Variants in SUGCT observed in about 807,000 individuals in gnomAD.
SUGCT encodes the protein succinyl-CoA:glutarate-CoA transferase.
A neutral mutation model predicts 55.0 loss-of-function variants in SUGCT; 41 were observed. The observed-to-expected ratio is 0.74, with a 90% CI of 0.58 to 0.97. The LOEUF (loss-of-function observed/expected upper bound fraction) is 0.97. Ranked by LOEUF, SUGCT falls within the 50% of genes least tolerant of loss-of-function variation. The pLI is 0.00. For synonymous variants in SUGCT, 187 were observed against 200.4 expected (o/e 0.93, Z 0.56); for missense variants, 568 against 547.8 (o/e 1.04, Z -0.37).
chr7:40,218,936 G>A (rs536262947), intron 6 of SUGCT, among the ~76,000 whole-genome samples: 2 of 152,176 alleles, frequency 1.3e-5, no homozygotes, highest in Non-Finnish European at 2.9e-5. Context: ...GCGGAAATCC[G>A]TTGGGGTCCC....
chr7:40,844,856 A>G (rs1221657074), intron 13 of SUGCT, among the ~76,000 whole-genome samples: 1 of 152,220 alleles, frequency 6.6e-6, no homozygotes, highest in African/African-American at 2.4e-5. Flanking sequence ...TGTGTTTAGA[A>G]GCCAGAATCA....
intron 13 of SUGCT, among the ~76,000 whole-genome samples, chr7:40,828,225 T>C (rs909887706): frequency 3.3e-5 from 5 of 152,080 alleles, no homozygotes; most frequent in African/African-American, 1.2e-4. Context: ...AGTTCATGAG[T>C]CAAGTGGGGC....
At chr7:40,470,747 GTC>G (rs34012862) in intron 11 of SUGCT, among the ~76,000 whole-genome samples, 14,591 of 145,622 alleles carry the variant, frequency 0.1, 699 homozygotes, top group East Asian at 0.19. Flanking sequence ...TAAGTGAACA[GTC>G]TCTCTCTCTC....
chr7:40,666,356 A>AAGGAAGGAAGGT (rs1801633100), intron 12 of SUGCT, among the ~76,000 whole-genome samples: 1 of 71,324 alleles, frequency 1.4e-5, no homozygotes, highest in African/African-American at 1.0e-4. Flanking sequence ...TCAAGAAAGA[A>AAGGAAGGAAGGT]AGGAAGGAAG....
the SUGCT span, among the ~76,000 whole-genome samples, chr7:40,925,351 AG>A: frequency 6.6e-6 from 1 of 152,194 alleles, no homozygotes; most frequent in African/African-American, 2.4e-5. Context: ...GAATTGTTTC[AG>A]GGAAAGGAAT....
At chr7:40,463,092 C>A (rs983006119) in intron 11 of SUGCT, among the ~76,000 whole-genome samples, 2 of 152,120 alleles carry the variant, frequency 1.3e-5, no homozygotes, top group East Asian at 1.9e-4. Flanking sequence ...GTGAGTCTAT[C>A]GTGTTTTTGC....
chr7:40,866,303 C>G, the SUGCT span, among the ~76,000 whole-genome samples: 2 of 152,044 alleles, frequency 1.3e-5, no homozygotes, highest in Non-Finnish European at 2.9e-5. Context: ...CCCTGACGGT[C>G]CTGGATTTAT....
At chr7:40,277,858 T>C (rs1183162086) in intron 8 of SUGCT, among the ~76,000 whole-genome samples, 1 of 151,866 alleles carries the variant, frequency 6.6e-6, no homozygotes, top group Non-Finnish European at 1.5e-5. Flanking sequence ...CCCACAACAG[T>C]CCCCAGAGTG....
the SUGCT span, among the ~76,000 whole-genome samples, chr7:41,010,581 G>A: frequency 6.6e-6 from 1 of 152,190 alleles, no homozygotes; most frequent in Non-Finnish European, 1.5e-5. Flanking sequence ...AACTTGGAGA[G>A]GAGAAGTCAC....
intron 12 of SUGCT, among the ~76,000 whole-genome samples, chr7:40,628,422 T>C (rs1799626959): frequency 6.6e-6 from 1 of 152,182 alleles, no homozygotes; most frequent in Non-Finnish European, 1.5e-5. Flanking sequence ...AACCACTGGT[T>C]TTGTAGCTGT....
At chr7:40,781,802 AACAT>A (rs1414906723) in intron 13 of SUGCT, among the ~76,000 whole-genome samples, 1 of 152,172 alleles carries the variant, frequency 6.6e-6, no homozygotes, top group Non-Finnish European at 1.5e-5. Context: ...CTGACTTTTT[AACAT>A]CAAATGGTTA....
the SUGCT span, among the ~76,000 whole-genome samples, chr7:41,011,069 A>C: frequency 6.6e-6 from 1 of 152,232 alleles, no homozygotes; most frequent in African/African-American, 2.4e-5. Context: ...TGAGGGCAGA[A>C]GCCTGGACCT....
chr7:40,690,263 A>G (rs973742801), intron 12 of SUGCT, among the ~76,000 whole-genome samples: 1 of 152,144 alleles, frequency 6.6e-6, no homozygotes, highest in African/African-American at 2.4e-5. Context: ...ATATCATTAT[A>G]TATATGATTA....
chr7:40,748,459 A>ACCT (rs1787845943), intron 12 of SUGCT, among the ~76,000 whole-genome samples: 2 of 151,908 alleles, frequency 1.3e-5, no homozygotes, highest in African/African-American at 4.8e-5. Context: ...TTTGTTTTAA[A>ACCT]GAGTTTTGTA....
At chr7:40,950,070 G>C in the SUGCT span, among the ~76,000 whole-genome samples, 2 of 152,124 alleles carry the variant, frequency 1.3e-5, no homozygotes, top group Non-Finnish European at 2.9e-5. Context: ...TCACAATATT[G>C]ATTCTTCCTA....
intron 12 of SUGCT, among the ~76,000 whole-genome samples, chr7:40,599,742 C>A (rs146272729): frequency 3.5e-4 from 53 of 152,196 alleles, no homozygotes; most frequent in African/African-American, 1.2e-3. Flanking sequence ...TAACTCTGGG[C>A]CTCTAGCTAT....
intron 12 of SUGCT, among the ~76,000 whole-genome samples, chr7:40,534,515 C>T (rs564554692): frequency 6.6e-5 from 10 of 152,296 alleles, no homozygotes; most frequent in Non-Finnish European, 1.5e-4. Context: ...TCACGAGTAG[C>T]TGGGACTACA....
intron 9 of SUGCT, among the ~76,000 whole-genome samples, chr7:40,446,821 T>C (rs865983470): frequency 6.6e-6 from 1 of 152,174 alleles, no homozygotes; most frequent in Admixed American, 6.5e-5. Context: ...AAAATAACTT[T>C]ATGTTATGAT....
the SUGCT span, among the ~76,000 whole-genome samples, chr7:40,996,890 A>C: frequency 1.3e-5 from 2 of 152,232 alleles, no homozygotes; most frequent in Admixed American, 1.3e-4. Flanking sequence ...TCATCAGATG[A>C]ATGGGGATTT....
Sources: allele counts gnomAD v4.1 joint callset (sites outside exome capture counted in the v4.1 genomes callset), GRCh38; gene constraint gnomAD v4.1.1; transcripts MANE v1.5; gene names NCBI Gene and HGNC (gene_info 2026-07-23, HGNC 2026-07-21).